TEX9: variants seen among roughly 807,000 people sequenced by gnomAD.
TEX9 encodes the protein testis expressed 9.
TEX9 carries 74 observed loss-of-function variants against 59.6 expected under a neutral mutation model. The observed-to-expected ratio is 1.24, with a 90% CI of 1.03 to 1.51. The LOEUF (loss-of-function observed/expected upper bound fraction) is 1.51. Among genes scored for constraint, TEX9 ranks in the 40% most tolerant of loss-of-function variants. TEX9 has a pLI of 0.00. For missense variants in TEX9, 522 were observed against 447.8 expected (o/e 1.17, Z -1.49); for synonymous variants, 186 against 152.2 (o/e 1.22, Z -1.64).
chr15:56,444,725 G>A (rs771132809), intron 12 of TEX9: 75 of 1,394,498 alleles, frequency 5.4e-5, no homozygotes, highest in Non-Finnish European at 6.7e-5. Context: ...AACATAGTAC[G>A]ATAGTATATT....
At chr15:56,450,586 CA>C (rs1470866020), downstream of TEX9, among the ~76,000 whole-genome samples, 1 of 152,046 alleles carries the variant, frequency 6.6e-6, no homozygotes, top group African/African-American at 2.4e-5. Flanking sequence ...ATCAGTGCTT[CA>C]TTTTTTTTTT....
At chr15:56,288,290 G>A (rs1294081254) in intron 1 of TEX9, among the ~76,000 whole-genome samples, 3 of 151,392 alleles carry the variant, frequency 2.0e-5, no homozygotes, top group Admixed American at 6.6e-5. Context: ...TTACTAGTTC[G>A]CTTTTTACTA....
At chr15:56,318,883 T>A (rs1596085749) in intron 1 of TEX9, among the ~76,000 whole-genome samples, 1 of 152,176 alleles carries the variant, frequency 6.6e-6, no homozygotes, top group South Asian at 2.1e-4. Context: ...TGCAGTTTTA[T>A]AATTAATAAT....
chr15:56,276,463 A>G (rs2044670899), intron 1 of TEX9, among the ~76,000 whole-genome samples: 1 of 152,070 alleles, frequency 6.6e-6, no homozygotes. Flanking sequence ...TTTGCTGAGG[A>G]TGATGGTTTC....
At chr15:56,389,033 T>A (rs887189353) in intron 5 of TEX9, among the ~76,000 whole-genome samples, 1 of 151,988 alleles carries the variant, frequency 6.6e-6, no homozygotes, top group Non-Finnish European at 1.5e-5. Context: ...CTAAATTCTG[T>A]GAGTCAGAAC....
chr15:56,337,029 TG>T (rs1263985588), intron 1 of TEX9, among the ~76,000 whole-genome samples: 7 of 152,292 alleles, frequency 4.6e-5, no homozygotes, highest in African/African-American at 1.7e-4. Context: ...TTGTACAGCT[TG>T]TATCCTCTTG....
chr15:56,356,532 G>A (rs541315351), intron 1 of TEX9, among the ~76,000 whole-genome samples: 5 of 152,072 alleles, frequency 3.3e-5, no homozygotes, highest in South Asian at 2.1e-4. Context: ...GTAGGCATAC[G>A]TGTGTGCCAA....
At chr15:56,379,689 G>A (rs1222009524) in intron 3 of TEX9, among the ~76,000 whole-genome samples, 1 of 152,094 alleles carries the variant, frequency 6.6e-6, no homozygotes, top group African/African-American at 2.4e-5. Flanking sequence ...TCTTTAGCTC[G>A]AATAATATTT....
intron 12 of TEX9, chr15:56,443,848 T>G: frequency 6.3e-7 from 1 of 1,595,280 alleles, no homozygotes. Flanking sequence ...ACTTTTGTTG[T>G]TTTTCCCTGA....
chr15:56,434,498 A>C, intron 12 of TEX9: 1 of 1,238,456 alleles, frequency 8.1e-7, no homozygotes, highest in South Asian at 1.6e-5. Flanking sequence ...ACAATATGAA[A>C]TCATACAAAC....
chr15:56,373,521 T>C lies in TEX9; in HGVS notation c.183+17T>C, dbSNP rs2047284665. Reference sequence around the variant, plus strand: ...GAAATAATAGTAAGTATATGTACAATTATTAATAATTCTATATAAATGCTA... The same window carrying C: ...GAAATAATAGTAAGTATATGTACAACTATTAATAATTCTATATAAATGCTA... On this transcript the variant is annotated intron_variant, in intron 3 of 12. Coordinates refer to ENST00000352903, the Ensembl canonical transcript of TEX9. The C allele has an allele frequency of 6.6e-7, 1 of 1,519,510 alleles. No individual in the cohort carries two copies. The highest frequency in any genetic ancestry group is 1.3e-5 in the South Asian group (1 of 76,956). 94.1% of individuals were successfully genotyped at this position (1,519,510 alleles called of 1,614,324 possible).
At chr15:56,342,141 CT>C (rs2046383933) in intron 1 of TEX9, among the ~76,000 whole-genome samples, 2 of 152,182 alleles carry the variant, frequency 1.3e-5, no homozygotes. Context: ...TTCCTCTTCA[CT>C]TGACACCGTC....
intron 1 of TEX9, among the ~76,000 whole-genome samples, chr15:56,284,850 A>T (rs1340251073): frequency 6.6e-6 from 1 of 151,960 alleles, no homozygotes; most frequent in African/African-American, 2.4e-5. Flanking sequence ...TCTCTGTTTT[A>T]ACTATTTGTT....
rs374174614 is a variant in TEX9, at chr15:56,434,146, C to T, written c.*29+5673C>T. ...CCACAACTTTTTCTTACTTTGTCTG[C>T]AAGGAATTGTTGGCGACGCTCTTCA... On this transcript the variant is annotated intron_variant, in intron 12 of 12. Coordinates refer to ENST00000352903, the Ensembl canonical transcript of TEX9. The T allele has an allele frequency of 3.9e-5, 63 of 1,609,980 alleles. 2 individuals carry two copies. In the South Asian group the frequency reaches 5.9e-4, roughly 15 times the overall value.
At chr15:56,439,071 C>G (rs1422544887) in intron 12 of TEX9, among the ~76,000 whole-genome samples, 1 of 152,090 alleles carries the variant, frequency 6.6e-6, no homozygotes, top group Non-Finnish European at 1.5e-5. Flanking sequence ...AATCCTACAG[C>G]TAACAAGTGA....
intron 2 of TEX9, among the ~76,000 whole-genome samples, chr15:56,368,025 C>CAGAATAT (rs2047024410): frequency 6.6e-6 from 1 of 152,030 alleles, no homozygotes; most frequent in Non-Finnish European, 1.5e-5. Flanking sequence ...TAGGACTTCC[C>CAGAATAT]GTGTGATATG....
intron 1 of TEX9, among the ~76,000 whole-genome samples, chr15:56,324,972 G>A (rs1179259797): frequency 1.3e-5 from 2 of 152,136 alleles, no homozygotes; most frequent in African/African-American, 2.4e-5. Context: ...TAAAGGAAAA[G>A]ACCAATAGTT....
intron 10 of TEX9, among the ~76,000 whole-genome samples, chr15:56,416,120 T>G (rs1406011013): frequency 1.3e-5 from 2 of 151,880 alleles, no homozygotes; most frequent in African/African-American, 2.4e-5. Context: ...CAAAAGGAGC[T>G]TTTGGGACAA....
chr15:56,250,591 C>T (rs549502669), intron 1 of TEX9, among the ~76,000 whole-genome samples: 50 of 152,128 alleles, frequency 3.3e-4, no homozygotes, highest in African/African-American at 8.4e-4. Context: ...CGAGGTTCTA[C>T]GAGAGAACAA....
Sources: gnomAD v4.1 joint callset for allele counts (sites outside exome capture counted in the v4.1 genomes callset) on GRCh38, gnomAD v4.1.1 for gene constraint, MANE v1.5 for transcripts, NCBI Gene and HGNC (gene_info 2026-07-23, HGNC 2026-07-21) for gene names.